Variants in SUPT5H observed in about 807,000 individuals in gnomAD.
SUPT5H encodes the protein transcription elongation factor SPT5.
Under a neutral mutation model 142.5 loss-of-function variants are expected in SUPT5H, and 24 were observed. The ratio of observed to expected loss-of-function variants is 0.17; its 90% CI spans 0.12 to 0.24. The LOEUF (loss-of-function observed/expected upper bound fraction) is 0.24. Among genes scored for constraint, SUPT5H ranks in the 10% least tolerant of loss-of-function variants. The pLI is 1.00. For missense variants in SUPT5H, 893 were observed against 1,471.8 expected, an observed-to-expected ratio of 0.61 and a Z score of 6.43; for synonymous variants, 546 against 553.0, an observed-to-expected ratio of 0.99 and a Z score of 0.18.
rs758757399 is a variant in SUPT5H at position 39,470,389 on chromosome 19, C to T, written c.1543C>T (p.Pro515Ser). The T allele has an allele frequency of 6.3e-7, 1 of 1,576,484 alleles. No homozygotes were observed. Among genetic ancestry groups the T allele is most frequent in the South Asian group, 1.2e-5 (1 of 86,042 alleles). The change falls in exon 18 of 30, where the codon CCC becomes TCC. Residue 515 changes from proline (P) to serine (S), a missense_variant. Pro to Ser is a moderately conservative substitution (Grantham distance 74, BLOSUM62 -1). Around this residue, in one of 6 missense-constraint regions of SUPT5H, gnomAD observed 428 missense variants for 763.5 expected, o/e 0.56. Transcript: ENST00000432763. The surrounding 1 kb of genome is among the most constrained non-coding windows in gnomAD (Gnocchi z 5.8). ...CCATCCCTGGCAGCTGAAGGTGCTCCCCCGGGACCTGCAGCTCTGCTCAGA... is the reference window on the plus strand; with the variant it reads ...CCATCCCTGGCAGCTGAAGGTGCTCTCCCGGGACCTGCAGCTCTGCTCAGA... ...DLTMHELKVL[P>S]RDLQLCSETA...
In SUPT5H at chr19:39,474,603, C is replaced by T; in HGVS notation, c.2909C>T (p.Ser970Leu). 6.2e-7 allele frequency: 1 copy of T among 1,614,250 alleles called. No homozygotes were observed. The highest frequency in any genetic ancestry group is 8.5e-7 in the Non-Finnish European group (1 of 1,180,042). ...GGCTACAACCCACACACGCCAGGCT[C>T]AGGCATCGAGCAGAACTCCAGCGAC... The part of the protein sequence containing the change: ...PGGYNPHTPG[S>L]GIEQNSSDWV... The change falls in exon 28 of 30, where the codon TCA becomes TTA. Residue 970 changes from serine to leucine, a missense_variant. By Grantham distance (145) the Ser-to-Leu change is moderately radical. Transcript: ENST00000432763. The surrounding 1 kb of genome is among the most constrained non-coding windows in gnomAD (Gnocchi z 6.5).
chr19:39,458,752 C>T lies in SUPT5H; in HGVS notation c.320-66C>T, dbSNP rs1015723208. On this transcript the variant is annotated intron_variant, in intron 5 of 29. Coordinates refer to ENST00000432763, the MANE Select transcript of SUPT5H (RefSeq NM_001111020.3). This position sits in a 1 kb window ranked among gnomAD's most constrained non-coding sequence, Gnocchi z 4.2. ...ACCCTGGCCCTCTTAGCTGCACGCT[C>T]CTATTTTCTCCAGGCCCCTGCCCTC... 6.8e-7 allele frequency: 1 copy of T among 1,472,676 alleles called. No homozygotes were observed. The highest frequency in any genetic ancestry group is 9.3e-7 in the Non-Finnish European group (1 of 1,081,012). 91.2% of individuals were successfully genotyped at this position (1,472,676 alleles called of 1,614,324 possible).
intron 13 of SUPT5H, chr19:39,468,479 G>T: frequency 2.0e-6 from 1 of 501,880 alleles, no homozygotes; most frequent in South Asian, 2.4e-5. Flanking sequence ...TTCTGGAGCT[G>T]ACATGCTAGT....
At chr19:39,464,248 G>A (rs2079205221) in intron 10 of SUPT5H, among the ~76,000 whole-genome samples, 1 of 152,146 alleles carries the variant, frequency 6.6e-6, no homozygotes, top group East Asian at 1.9e-4. Flanking sequence ...GCCTCCCAAA[G>A]TGCTGGGATT....
chr19:39,457,251 A>G (rs902797753), intron 3 of SUPT5H, among the ~76,000 whole-genome samples: 2 of 152,174 alleles, frequency 1.3e-5, no homozygotes, highest in Non-Finnish European at 2.9e-5. Context: ...TGTGTCAGGT[A>G]CTCAGAACAG....
In SUPT5H at chr19:39,470,156, A is replaced by C; in HGVS notation, c.1412A>C (p.Tyr471Ser). ...LEFPAQELRK[Y>S]FKMGDHVKVI... ...TTCCCAGCCCAGGAACTTAGAAAAT[A>C]CTTCAAGATGGGGGACCACGTGAAG... is the stretch of plus-strand genomic sequence containing the variant. The change falls in exon 17 of 30, where the codon TAC (tyrosine) becomes TCC (serine). Residue 471 changes from tyrosine (Y) to serine (S), a missense_variant. Tyr to Ser is a moderately radical substitution (Grantham distance 144). Transcript: ENST00000432763. This position sits in a 1 kb window ranked among gnomAD's most constrained non-coding sequence, Gnocchi z 5.8. 6.2e-7 allele frequency: 1 copy of C among 1,612,994 alleles called. No individual in the cohort carries two copies. The highest frequency in any genetic ancestry group is 8.5e-7 in the Non-Finnish European group (1 of 1,179,422).
At chr19:39,465,077 C>T in intron 11 of SUPT5H, 28 bp downstream of exon 11, 1 of 1,597,896 alleles carries the variant, frequency 6.3e-7, no homozygotes. Flanking sequence ...GCATGGGGGT[C>T]AGGGTCCCTC....
At chr19:39,463,757 C>T (rs1042759591) in intron 10 of SUPT5H, among the ~76,000 whole-genome samples, 2 of 152,190 alleles carry the variant, frequency 1.3e-5, no homozygotes, top group African/African-American at 4.8e-5. Flanking sequence ...GTATTGCAGT[C>T]AGTGATTGTT....
In SUPT5H at chr19:39,453,362, G is replaced by A. The variant is rs751592720; in HGVS notation, c.82G>A (p.Glu28Lys). 6 of 1,602,392 alleles carry A rather than the reference G, an allele frequency of 3.7e-6. No homozygotes were observed. In the East Asian group the frequency reaches 6.7e-5, roughly 18 times the overall value. Residue 28 changes from glutamate to lysine, a missense_variant, in exon 3 of 30, where the codon GAA becomes AAA. Physicochemically the swap from Glu to Lys is moderately conservative, Grantham distance 56. This residue lies in a region of SUPT5H where 70 missense variants were observed against 70.5 expected (regional missense o/e 0.99). Coordinates refer to ENST00000432763, the MANE Select transcript of SUPT5H (RefSeq NM_001111020.3). ...SSDGEEAEVD[E>K]ERRSAAGSEK... The stretch of plus-strand genomic sequence containing the variant: ...CCCTGCCTGACCCCTGTAGGTAGAC[G>A]AAGAGCGGCGGAGTGCAGCGGGCAG...
chr19:39,466,631 G>A lies in SUPT5H; in HGVS notation c.967-44G>A. ...TGTGCTCGATCCCACTGGTGGCCAAGCCCCCTCCCTCACCCTTCCCACCCA... is the reference window on the plus strand; with the variant it reads ...TGTGCTCGATCCCACTGGTGGCCAAACCCCCTCCCTCACCCTTCCCACCCA... On this transcript the variant is annotated intron_variant, in intron 12 of 29. Transcript: ENST00000432763. The surrounding 1 kb of genome is among the most constrained non-coding windows in gnomAD (Gnocchi z 4.3). The A allele has an allele frequency of 6.2e-7, 1 of 1,613,406 alleles. No individual in the cohort carries two copies. The highest frequency in any genetic ancestry group is 8.5e-7 in the Non-Finnish European group (1 of 1,179,336).
In SUPT5H at chr19:39,453,376, T is replaced by C; in HGVS notation, c.96T>C (p.Ser32=). Residue 32 remains serine (S), a synonymous_variant, in exon 3 of 30, where the codon AGT becomes AGC. Transcript: ENST00000432763. ...EEAEVDEERR[S]AAGSEKEEEP... ...TGTAGGTAGACGAAGAGCGGCGGAG[T>C]GCAGCGGGCAGTGAGAAAGAAGAAG... The C allele has an allele frequency of 1.9e-6, 3 of 1,601,090 alleles. No individual in the cohort carries two copies. Among genetic ancestry groups the C allele is most frequent in the Non-Finnish European group, 2.6e-6 (3 of 1,173,198 alleles).
rs770322431 is a variant in SUPT5H at position 39,474,708 on chromosome 19, G to A, written c.3014G>A (p.Arg1005His). 6.2e-6 allele frequency: 10 copies of A among 1,611,382 alleles called. No individual in the cohort carries two copies. Among genetic ancestry groups the A allele is most frequent in the Admixed American group, 5.0e-5 (3 of 59,576 alleles). ...TQVVGQTGVIRSVTGGMCSVY... is the reference protein window; with the variant it reads ...TQVVGQTGVIHSVTGGMCSVY... The stretch of plus-strand genomic sequence containing the variant: ...GTGGTGGGACAGACAGGTGTCATCC[G>A]CAGTGTCACGGTACGTGGGGCCCAG... Residue 1005 changes from arginine to histidine, a missense_variant, in exon 28 of 30, where the codon CGC becomes CAC. Coordinates refer to ENST00000432763, the MANE Select transcript of SUPT5H (RefSeq NM_001111020.3). The surrounding 1 kb of genome is among the most constrained non-coding windows in gnomAD (Gnocchi z 6.5).
intron 10 of SUPT5H, among the ~76,000 whole-genome samples, chr19:39,464,442 C>T (rs1234078019): frequency 2.6e-5 from 4 of 152,148 alleles, no homozygotes; most frequent in Non-Finnish European, 5.9e-5. Context: ...TCACTGCAGC[C>T]TCAACCTCCC....
In SUPT5H at chr19:39,459,050, C is replaced by T. The variant is rs753291768; in HGVS notation, c.435C>T (p.Tyr145=). 1.7e-5 allele frequency: 27 copies of T among 1,613,810 alleles called. No individual in the cohort carries two copies. The highest frequency in any genetic ancestry group is 6.7e-5 in the East Asian group (3 of 44,890). Residue 145 remains tyrosine (Y), a synonymous_variant, in exon 7 of 30, where the codon TAC becomes TAT. Transcript: ENST00000432763. ...EELGEYYMKK[Y]AKSSVGETVY... is the part of the protein sequence containing the mutation. ...TGGGCGAGTATTACATGAAGAAATA[C>T]GCCAAGTCATCTGTGGGAGAGACGT...
rs1477491343 is a variant in SUPT5H at position 39,466,346 on chromosome 19, G to A, written c.877-134G>A. The stretch of plus-strand genomic sequence containing the variant: ...ACAGACAAGCTAGCGTGGGACTTTT[G>A]GGAGTGGTCAGCAGCCTGGTTTCTT... On this transcript the variant is annotated intron_variant, in intron 11 of 29. Transcript: ENST00000432763. This position sits in a 1 kb window ranked among gnomAD's most constrained non-coding sequence, Gnocchi z 4.3. 2.6e-6 allele frequency: 2 copies of A among 779,178 alleles called. No individual in the cohort carries two copies. The highest frequency in any genetic ancestry group is 4.3e-6 in the Non-Finnish European group (2 of 464,338). The allele number at this position is 779,178 out of a possible 1,614,324, so 48.3% of individuals were successfully genotyped here. A position where few individuals can be genotyped will look rare whatever the true frequency, so the allele number is the denominator to read the frequency against.
At position 39,458,375 on chromosome 19, in the gene SUPT5H, C is replaced by G. The variant is rs577340014; in HGVS notation, c.319+70C>G. ...CTGACATTTCCTCCTTCCTGAGGCA[C>G]CTGCCCTCACCGGTAGCCTCCCCAC... On this transcript the variant is annotated intron_variant, in intron 5 of 29. Transcript: ENST00000432763. The surrounding 1 kb of genome is among the most constrained non-coding windows in gnomAD (Gnocchi z 4.2). 6.2e-7 allele frequency: 1 copy of G among 1,602,840 alleles called. No homozygotes were observed. The highest frequency in any genetic ancestry group is 1.3e-5 in the African/African-American group (1 of 74,846).
chr19:39,459,799 T>G, intron 9 of SUPT5H, 93 bp from the exon 10 acceptor site: 2 of 1,431,778 alleles, frequency 1.4e-6, no homozygotes, highest in Admixed American at 1.7e-5. Context: ...CTCTTGGTCC[T>G]ACTTTATTTT....
rs1413963576 is a variant in SUPT5H at position 39,457,661 on chromosome 19, C to T, written c.242-14C>T. The T allele has an allele frequency of 3.1e-6, 5 of 1,612,346 alleles. No individual in the cohort carries two copies. The highest frequency in any genetic ancestry group is 1.3e-5 in the African/African-American group (1 of 74,868). Reference sequence around the variant, plus strand: ...GTCACCTTTGCCACTTACCACTTGGCCTTTCCGTTTTAGATGTTGACGATG... The same window carrying T: ...GTCACCTTTGCCACTTACCACTTGGTCTTTCCGTTTTAGATGTTGACGATG... On this transcript the variant is annotated splice_polypyrimidine_tract_variant and intron_variant, in intron 3 of 29. Coordinates refer to ENST00000432763, the MANE Select transcript of SUPT5H (RefSeq NM_001111020.3).
rs140077193 is a variant in SUPT5H at position 39,457,602 on chromosome 19, A to G, written c.242-73A>G. Reference sequence around the variant, plus strand: ...GGGATTTGTAGTGCACATCTCCCAGAGGAGATGCTTCGTGTCCTGGGAGCT... The same window carrying G: ...GGGATTTGTAGTGCACATCTCCCAGGGGAGATGCTTCGTGTCCTGGGAGCT... On this transcript the variant is annotated intron_variant, in intron 3 of 29. Transcript: ENST00000432763. 3.1e-4 allele frequency: 481 copies of G among 1,576,576 alleles called. 1 individual carries two copies. The African/African-American group carries it at 5.9e-3, about 19-fold the overall frequency.
Sources: allele counts gnomAD v4.1 joint callset (sites outside exome capture counted in the v4.1 genomes callset), GRCh38; gene constraint gnomAD v4.1.1; regional missense constraint gnomAD v4.1.1; non-coding constraint Gnocchi (gnomAD v3.1); transcripts MANE v1.5; gene names NCBI Gene and HGNC (gene_info 2026-07-23, HGNC 2026-07-21).